Variants in NFYA observed in about 807,000 individuals in gnomAD.
NFYA encodes the protein nuclear transcription factor Y subunit alpha.
In NFYA, 28 loss-of-function variants were observed where a neutral mutation model predicts 52.8. The observed-to-expected ratio is 0.53, with a 90% CI of 0.39 to 0.73. The LOEUF (loss-of-function observed/expected upper bound fraction) is 0.73, where lower values mean the gene tolerates loss of function less well. NFYA is among the 30% of genes least tolerant of loss of function. The pLI is 0.00. For synonymous variants in NFYA, 150 were observed against 150.7 expected, an observed-to-expected ratio of 1.00 and a Z score of 0.03; for missense variants, 234 against 427.0, an observed-to-expected ratio of 0.55 and a Z score of 3.98.
chr6:41,093,174 T>A, intron 8 of NFYA, 89 bp downstream of exon 8: 1 of 1,183,312 alleles, frequency 8.5e-7, no homozygotes, highest in Non-Finnish European at 1.2e-6. Flanking sequence ...TTTTCTCACG[T>A]ACCTTCCAAA....
intron 7 of NFYA, among the ~76,000 whole-genome samples, 177 bp downstream of exon 7, chr6:41,091,871 A>G (rs13205065): frequency 0.17 from 25,444 of 152,172 alleles, 2,651 homozygotes; most frequent in South Asian, 0.28. Flanking sequence ...AGCACCTACT[A>G]TGTGCCAGGG....
At position 41,100,069 on chromosome 6, in the gene NFYA, A is replaced by G. The variant is rs1042310096; in HGVS notation, c.*2659A>G. The G allele has an allele frequency of 6.6e-6, 1 of 152,192 alleles. No homozygotes were observed. Among genetic ancestry groups the G allele is most frequent in the Non-Finnish European group, 1.5e-5 (1 of 68,042 alleles). 9.4% of individuals were successfully genotyped at this position (152,192 alleles called of 1,614,324 possible). On this transcript the variant is annotated 3_prime_UTR_variant, in exon 10 of 10. Transcript: ENST00000341376. ...ATCTCCCCCGACAAGACTTGTCTGC[A>G]TGGACGGTGTCTCTGTAAACAGTAT...
At position 41,073,777 on chromosome 6, in the gene NFYA, T is replaced by G. The variant is rs1056562515; in HGVS notation, c.-62+693T>G. Reference sequence around the variant, plus strand: ...CCGTTAGTTCGCCCACTCCCCCTGCTCCGCCGCGCCCCTCCTCCCAGCCCG... The same window carrying G: ...CCGTTAGTTCGCCCACTCCCCCTGCGCCGCCGCGCCCCTCCTCCCAGCCCG... On this transcript the variant is annotated intron_variant, in intron 1 of 9. Transcript: ENST00000341376. 2.0e-5 allele frequency among the ~76,000 whole-genome samples: 3 copies of G among 151,974 alleles called. No homozygotes were observed. The East Asian group carries it at 5.8e-4, about 30-fold the overall frequency.
chr6:41,084,072 G>T lies in NFYA; in HGVS notation c.189G>T (p.Gln63His). Reference protein sequence around the residue: ...QVVQGQPLMVQVSGGQLITST... With the variant: ...QVVQGQPLMVHVSGGQLITST... Reference sequence around the variant, plus strand: ...TCCAAGGGCAGCCATTAATGGTGCAGGTCAGTGGAGGCCAGCTAATCACAT... The same window carrying T: ...TCCAAGGGCAGCCATTAATGGTGCATGTCAGTGGAGGCCAGCTAATCACAT... Residue 63 changes from glutamine (Q) to histidine (H), a missense_variant, in exon 4 of 10, where the codon CAG (glutamine) becomes CAT (histidine). Physicochemically the swap from Gln to His is conservative, Grantham distance 24 (BLOSUM62 0). This residue lies in a region of NFYA where 118 missense variants were observed against 182.4 expected (regional missense o/e 0.65). Coordinates refer to ENST00000341376, the MANE Select transcript of NFYA (RefSeq NM_002505.5). 1 of 1,613,434 alleles carries T rather than the reference G, an allele frequency of 6.2e-7. No individual in the cohort carries two copies. The highest frequency in any genetic ancestry group is 8.5e-7 in the Non-Finnish European group (1 of 1,179,720).
At chr6:41,077,922 GTTGA>G (rs1279802370) in intron 1 of NFYA, among the ~76,000 whole-genome samples, 3 of 152,070 alleles carry the variant, frequency 2.0e-5, no homozygotes, top group African/African-American at 7.2e-5. Flanking sequence ...GAGTAATGGG[GTTGA>G]TTAATTTTTA....
chr6:41,095,054 T>A (rs1764311201), intron 9 of NFYA, among the ~76,000 whole-genome samples: 1 of 152,210 alleles, frequency 6.6e-6, no homozygotes, highest in Non-Finnish European at 1.5e-5. Flanking sequence ...AGCTGCTTAA[T>A]TTGGTTTCCC....
chr6:41,097,607 C>T lies in NFYA; in HGVS notation c.*197C>T. The stretch of plus-strand genomic sequence containing the variant: ...ATTGAAGTTGCAAGCCTTTGTCTTA[C>T]TCTTTCAGTCAGGACCTATTTCAGA... On this transcript the variant is annotated 3_prime_UTR_variant, in exon 10 of 10. Transcript: ENST00000341376. The T allele has an allele frequency of 1.7e-6, 1 of 572,232 alleles. No individual in the cohort carries two copies. Among genetic ancestry groups the T allele is most frequent in the Non-Finnish European group, 3.1e-6 (1 of 320,074 alleles). 35.4% of individuals were successfully genotyped at this position (572,232 alleles called of 1,614,324 possible).
At chr6:41,074,047 C>G (rs1763652113) in intron 1 of NFYA, among the ~76,000 whole-genome samples, 1 of 152,218 alleles carries the variant, frequency 6.6e-6, no homozygotes, top group Non-Finnish European at 1.5e-5. Context: ...TATTACTAAT[C>G]TTATCCACTG....
Position 41,094,314 on chromosome 6 carries a change from T to C in NFYA, c.889-82T>C, listed in dbSNP as rs572346592. On this transcript the variant is annotated intron_variant, in intron 8 of 9. Transcript: ENST00000341376. ...CTTTGATCCCAGCTGTCTTAAACTT[T>C]GGAGAATGGAATTTGTGCACTAGAT... 1.9e-4 allele frequency: 231 copies of C among 1,198,514 alleles called. 3 individuals carry two copies. In the South Asian group the frequency reaches 2.8e-3, roughly 15 times the overall value. 74.2% of individuals were successfully genotyped at this position (1,198,514 alleles called of 1,614,324 possible). A position where few individuals can be genotyped will look rare whatever the true frequency, so the allele number is the denominator to read the frequency against.
chr6:41,096,914 A>G (rs1465376804), intron 9 of NFYA, among the ~76,000 whole-genome samples: 1 of 152,234 alleles, frequency 6.6e-6, no homozygotes, highest in Non-Finnish European at 1.5e-5. Context: ...AAACGAGTAC[A>G]TTAAAGTGTA....
At chr6:41,074,977 A>G (rs895181459) in intron 1 of NFYA, among the ~76,000 whole-genome samples, 1 of 151,518 alleles carries the variant, frequency 6.6e-6, no homozygotes, top group African/African-American at 2.4e-5. Flanking sequence ...TTAATGTTAT[A>G]CAACTAATAG....
At position 41,097,715 on chromosome 6, in the gene NFYA, T is replaced by C. The variant is rs1478805902; in HGVS notation, c.*305T>C. ...CCAGCAGTACACAAAGCACTTACCT[T>C]GACTGGTGAAGTCAGCCAGCCATCT... On this transcript the variant is annotated 3_prime_UTR_variant, in exon 10 of 10. Coordinates refer to ENST00000341376, the MANE Select transcript of NFYA (RefSeq NM_002505.5). 1.9e-5 allele frequency: 5 copies of C among 263,972 alleles called. No homozygotes were observed. Among genetic ancestry groups the C allele is most frequent in the Non-Finnish European group, 2.2e-5 (3 of 135,720 alleles). 16.4% of individuals were successfully genotyped at this position (263,972 alleles called of 1,614,324 possible). A position where few individuals can be genotyped will look rare whatever the true frequency, so the allele number is the denominator to read the frequency against.
At chr6:41,089,508 G>GA in intron 4 of NFYA, 71 bp from the exon 5 acceptor site, 1 of 1,432,960 alleles carries the variant, frequency 7.0e-7, no homozygotes, top group East Asian at 2.6e-5. Flanking sequence ...GAGAAATGTG[G>GA]ATAACTCTCG....
chr6:41,100,566 T>C lies in NFYA; in HGVS notation c.*3156T>C, dbSNP rs879445743. ...CCCTGGCAGATGAGAGAGGAGAAAC[T>C]CTCCACAATGAAGGAAAAGCACTGA... On this transcript the variant is annotated 3_prime_UTR_variant, in exon 10 of 10. Transcript: ENST00000341376. 6.6e-6 allele frequency among the ~76,000 whole-genome samples: 1 copy of C among 152,096 alleles called. No individual in the cohort carries two copies. Among genetic ancestry groups the C allele is most frequent in the Admixed American group, 6.5e-5 (1 of 15,280 alleles).
intron 1 of NFYA, 139 bp downstream of exon 1, chr6:41,073,223 CCAGCGG>C (rs1309925051): frequency 1.3e-5 from 2 of 151,482 alleles, no homozygotes; most frequent in African/African-American, 4.8e-5. Context: ...AGCCGGGCGG[CCAGCGG>C]CCCCGGCCCG....
Position 41,080,836 on chromosome 6 carries a change from A to G in NFYA, c.101A>G (p.Gln34Arg). Residue 34 changes from glutamine (Q) to arginine (R), a missense_variant, in exon 3 of 10, where the codon CAG becomes CGG. Gln to Arg is a conservative substitution (Grantham distance 43). Transcript: ENST00000341376. ...QQQQGGVTAV[Q>R]LQTEAQVASA... ...CAGCAGGGTGGTGTCACTGCTGTGCAGTTGCAGACTGAGGCCCAGGTGGCA... is the reference window on the plus strand; with the variant it reads ...CAGCAGGGTGGTGTCACTGCTGTGCGGTTGCAGACTGAGGCCCAGGTGGCA... 6.2e-7 allele frequency: 1 copy of G among 1,613,996 alleles called. No individual in the cohort carries two copies. The highest frequency in any genetic ancestry group is 8.5e-7 in the Non-Finnish European group (1 of 1,179,886).
chr6:41,091,995 A>G (rs921889740), intron 7 of NFYA, among the ~76,000 whole-genome samples: 1 of 152,214 alleles, frequency 6.6e-6, no homozygotes, highest in Admixed American at 6.5e-5. Flanking sequence ...CTAATCTTTG[A>G]GAAGTGGAAA....
chr6:41,084,375 A>C lies in NFYA; in HGVS notation c.309+183A>C, dbSNP rs527323926. ...AACTAGAACTATGCAGAAATTGGAC[A>C]GCTCCAGTAATGACTAAGATATTAG... On this transcript the variant is annotated intron_variant, in intron 4 of 9. Transcript: ENST00000341376. 2.0e-4 allele frequency among the ~76,000 whole-genome samples: 31 copies of C among 152,354 alleles called. 2 individuals are homozygous for C. In the South Asian group the frequency reaches 6.2e-3, roughly 31 times the overall value.
chr6:41,084,023 G>C, intron 3 of NFYA, 23 bp from the exon 4 acceptor site: 2 of 1,579,452 alleles, frequency 1.3e-6, no homozygotes, highest in Non-Finnish European at 1.7e-6. Context: ...TTATTTCATT[G>C]TTCTTATTTT....
Sources: gnomAD v4.1 joint callset for allele counts (sites outside exome capture counted in the v4.1 genomes callset) on GRCh38, gnomAD v4.1.1 for gene constraint, gnomAD v4.1.1 regional missense constraint, MANE v1.5 for transcripts, NCBI Gene and HGNC (gene_info 2026-07-23, HGNC 2026-07-21) for gene names.